The following PTPRG variants were observed in gnomAD, a reference collection of about 807,000 sequenced individuals.
PTPRG encodes receptor-type tyrosine-protein phosphatase gamma.
PTPRG carries 102 observed loss-of-function variants against 165.3 expected under a neutral mutation model. That is an observed-to-expected ratio of 0.62 (90% CI 0.53 to 0.73). The LOEUF (loss-of-function observed/expected upper bound fraction) is 0.73, where lower values mean the gene tolerates loss of function less well. Among genes scored for constraint, PTPRG ranks in the 30% least tolerant of loss-of-function variants. The pLI is 0.00. For synonymous variants in PTPRG, 675 were observed against 669.5 expected (o/e 1.01, Z -0.13); for missense variants, 1,866 against 1,861.4 (o/e 1.00, Z -0.05).
intron 2 of PTPRG, among the ~76,000 whole-genome samples, chr3:61,892,935 G>A (rs2107503357): frequency 6.6e-6 from 1 of 152,246 alleles, no homozygotes; most frequent in Middle Eastern, 3.4e-3. Flanking sequence ...ATCTTAAGGG[G>A]TTAGGCTGGT....
intron 2 of PTPRG, among the ~76,000 whole-genome samples, chr3:61,791,085 T>G (rs1390830820): frequency 2.0e-5 from 3 of 152,222 alleles, no homozygotes; most frequent in Non-Finnish European, 4.4e-5. Context: ...AAATTATTAA[T>G]GAAACAGGGA....
chr3:62,054,524 TAATCAGG>T (rs1700569427), intron 4 of PTPRG, among the ~76,000 whole-genome samples: 1 of 152,142 alleles, frequency 6.6e-6, no homozygotes, highest in South Asian at 2.1e-4. Flanking sequence ...GAGAGGGAAA[TAATCAGG>T]AAAGTCAGTG....
intron 1 of PTPRG, among the ~76,000 whole-genome samples, chr3:61,675,515 A>G (rs1703188845): frequency 6.6e-6 from 1 of 152,216 alleles, no homozygotes; most frequent in Admixed American, 6.5e-5. Context: ...ACCCACAGGT[A>G]TCACTGTTAG....
chr3:62,074,167 G>GA (rs1701297800), intron 4 of PTPRG, among the ~76,000 whole-genome samples: 1 of 129,674 alleles, frequency 7.7e-6, no homozygotes, highest in East Asian at 2.3e-4. Context: ...GATGATTGAG[G>GA]AAAAAAAGTG....
At position 61,940,669 on chromosome 3, in the gene PTPRG, A is replaced by AT. The variant is rs199808007; in HGVS notation, c.191-48950dup. Among the ~76,000 whole-genome samples, 742 of 91,492 alleles carry AT rather than the reference A, an allele frequency of 8.1e-3. 8 individuals carry two copies. Among genetic ancestry groups the AT allele is most frequent in the African/African-American group, 0.025 (709 of 28,702 alleles). 60.0% of individuals were successfully genotyped at this position (91,492 alleles called of 152,430 possible). A position where few individuals can be genotyped will look rare whatever the true frequency, so the allele number is the denominator to read the frequency against. On this transcript the variant is annotated intron_variant, in intron 2 of 29. Transcript: ENST00000474889. ...GATGCTTTTATTTATTTATTTATTT[A>AT]TTTTTTATTTTTTTGACAGAGTCTC...
At chr3:61,805,209 A>G (rs1007796765) in intron 2 of PTPRG, among the ~76,000 whole-genome samples, 2 of 152,056 alleles carry the variant, frequency 1.3e-5, no homozygotes, top group South Asian at 2.1e-4. Flanking sequence ...GTTTGGAGAC[A>G]TTTTTGGTTG....
chr3:62,169,922 T>G (rs554140418), intron 8 of PTPRG, among the ~76,000 whole-genome samples: 24 of 152,280 alleles, frequency 1.6e-4, no homozygotes, highest in African/African-American at 5.8e-4. Context: ...GTAACTGCAG[T>G]GACATGCACT....
At chr3:61,938,278 G>T (rs2039528664) in intron 2 of PTPRG, among the ~76,000 whole-genome samples, 1 of 140,444 alleles carries the variant, frequency 7.1e-6, no homozygotes. Context: ...ATATTTGGTT[G>T]GATAACCACA....
Position 61,887,170 on chromosome 3 carries a change from A to ATATATATATATATTTT in PTPRG, c.191-102454_191-102453insATATATATATATTTTT, listed in dbSNP as rs60282456. 6.9e-5 allele frequency among the ~76,000 whole-genome samples: 8 copies of ATATATATATATATTTT among 115,534 alleles called. No homozygotes were observed. In the East Asian group the frequency reaches 2.0e-3, roughly 29 times the overall value. The allele number at this position is 115,534 out of a possible 152,430, so 75.8% of individuals were successfully genotyped here. A position where few individuals can be genotyped will look rare whatever the true frequency, so the allele number is the denominator to read the frequency against. On this transcript the variant is annotated intron_variant, in intron 2 of 29. Coordinates refer to ENST00000474889, the MANE Select transcript of PTPRG (RefSeq NM_002841.4). ...TATATATATATATATATATATATAT[A>ATATATATATATATTTT]TTTTTAATGCCATCATCAAACACTC...
chr3:61,960,196 C>T (rs952021519), intron 2 of PTPRG, among the ~76,000 whole-genome samples: 15 of 151,970 alleles, frequency 9.9e-5, no homozygotes, highest in African/African-American at 3.6e-4. Flanking sequence ...ATGCAAACCC[C>T]TGAAGGCTGT....
chr3:61,924,818 G>A (rs538464534), intron 2 of PTPRG, among the ~76,000 whole-genome samples: 10 of 152,320 alleles, frequency 6.6e-5, no homozygotes, highest in East Asian at 3.9e-4. Context: ...TGGACTGAAT[G>A]TTTCTGTTGC....
chr3:61,791,338 G>A (rs558919234), intron 2 of PTPRG, among the ~76,000 whole-genome samples: 2 of 152,284 alleles, frequency 1.3e-5, no homozygotes, highest in South Asian at 2.1e-4. Flanking sequence ...CTGTTGCAAC[G>A]GTTTCTTGAG....
intron 1 of PTPRG, among the ~76,000 whole-genome samples, chr3:61,642,472 G>T (rs1290907667): frequency 1.3e-5 from 2 of 152,122 alleles, no homozygotes; most frequent in African/African-American, 4.8e-5. Flanking sequence ...GAGTGATCTG[G>T]TTCTACAAGC....
rs182562097 is a variant in PTPRG at position 62,216,585 on chromosome 3, C to A, written c.2156-2266C>A. On this transcript the variant is annotated intron_variant, in intron 12 of 29. Transcript: ENST00000474889. ...AGATAATTGCCTGGCTGGGCCACCC[C>A]CTTCTGGGACCCCACAAAATTATTC... is the stretch of plus-strand genomic sequence containing the variant. Among the ~76,000 whole-genome samples, 40 of 152,004 alleles carry A rather than the reference C, an allele frequency of 2.6e-4. No individual in the cohort carries two copies. The East Asian group carries it at 7.6e-3, about 29-fold the overall frequency.
intron 2 of PTPRG, among the ~76,000 whole-genome samples, chr3:61,907,573 T>C (rs2038686723): frequency 6.6e-6 from 1 of 152,202 alleles, no homozygotes. Flanking sequence ...AATCCTTTCT[T>C]CTGGGAATTT....
intron 1 of PTPRG, among the ~76,000 whole-genome samples, chr3:61,730,287 G>T (rs73842333): frequency 0.053 from 8,124 of 152,224 alleles, 435 homozygotes; most frequent in African/African-American, 0.14. Context: ...GACCTTTATG[G>T]CTCAAACCAG....
At chr3:62,176,574 G>A (rs1262361655) in intron 8 of PTPRG, among the ~76,000 whole-genome samples, 2 of 152,108 alleles carry the variant, frequency 1.3e-5, no homozygotes, top group Admixed American at 1.3e-4. Flanking sequence ...TGGGAATGAG[G>A]TGCTCTTACC....
At chr3:62,201,740 G>C (rs1164071669) in intron 11 of PTPRG, among the ~76,000 whole-genome samples, 186 bp downstream of exon 11, 1 of 152,202 alleles carries the variant, frequency 6.6e-6, no homozygotes, top group Non-Finnish European at 1.5e-5. Flanking sequence ...CTGTGCAACA[G>C]TGTTAGGTGG....
intron 2 of PTPRG, among the ~76,000 whole-genome samples, chr3:61,873,816 A>G (rs1186747332): frequency 6.6e-6 from 1 of 151,856 alleles, no homozygotes; most frequent in African/African-American, 2.4e-5. Flanking sequence ...CAGGGCTCTG[A>G]GGCTGCCTTT....
Sources: gnomAD v4.1 joint callset for allele counts (sites outside exome capture counted in the v4.1 genomes callset) on GRCh38, gnomAD v4.1.1 for gene constraint, MANE v1.5 for transcripts, NCBI Gene and HGNC (gene_info 2026-07-23, HGNC 2026-07-21) for gene names.